The following FGD4 variants were observed in gnomAD, a reference collection of about 807,000 sequenced individuals.
FGD4 encodes the protein FYVE, RhoGEF and PH domain-containing protein 4.
Under a neutral mutation model 102.0 loss-of-function variants are expected in FGD4, and 42 were observed. That is an observed-to-expected ratio of 0.41 (90% CI 0.32 to 0.53). The LOEUF is 0.53. Among genes scored for constraint, FGD4 ranks in the 20% least tolerant of loss-of-function variants. The pLI, the probability that FGD4 is intolerant of heterozygous loss-of-function variation, is 0.21. For synonymous variants in FGD4, 380 were observed against 375.7 expected (o/e 1.01, Z -0.13); for missense variants, 902 against 1,078.2 (o/e 0.84, Z 2.29).
intron 1 of FGD4, among the ~76,000 whole-genome samples, chr12:32,475,922 A>G (rs1456469044): frequency 6.6e-6 from 1 of 152,300 alleles, no homozygotes; most frequent in East Asian, 1.9e-4. Context: ...ATTTCCTCTG[A>G]ATTCTGCTTA....
intron 1 of FGD4, among the ~76,000 whole-genome samples, chr12:32,404,258 G>GT (rs918215936): frequency 1.5e-3 from 215 of 143,342 alleles, no homozygotes; most frequent in East Asian, 1.6e-3. Flanking sequence ...TGTAAGTACA[G>GT]TTTTTTTTTT....
In FGD4 at chr12:32,422,116, T is replaced by C. The variant is rs375218081; in HGVS notation, c.166+22157T>C. 2.5e-4 allele frequency among the ~76,000 whole-genome samples: 37 copies of C among 148,096 alleles called. No individual in the cohort carries two copies. The East Asian group carries it at 3.4e-3, about 14-fold the overall frequency. On this transcript the variant is annotated intron_variant, in intron 1 of 16. Coordinates refer to ENST00000534526, the MANE Select transcript of FGD4 (RefSeq NM_001370298.3). The stretch of plus-strand genomic sequence containing the variant: ...CCGAAATCATGCCACTACACTCCAG[T>C]GTGGGCGACAGAATGAGACTCTGTC...
intron 1 of FGD4, among the ~76,000 whole-genome samples, chr12:32,478,427 G>C (rs1943639936): frequency 1.3e-5 from 2 of 152,032 alleles, no homozygotes; most frequent in Admixed American, 1.3e-4. Flanking sequence ...ACCACACCTG[G>C]CTAATGTTTT....
chr12:32,507,201 T>C (rs908732936), intron 1 of FGD4, among the ~76,000 whole-genome samples: 4 of 151,734 alleles, frequency 2.6e-5, no homozygotes, highest in African/African-American at 4.8e-5. Flanking sequence ...GTCCTTGCGA[T>C]AGTTTACTGA....
chr12:32,534,386 G>T, intron 1 of FGD4: 1 of 1,489,090 alleles, frequency 6.7e-7, no homozygotes, highest in Non-Finnish European at 8.9e-7. Flanking sequence ...AAGCTTTACA[G>T]CCAGGAGTGA....
At chr12:32,459,864 G>A (rs1302483355) in intron 1 of FGD4, among the ~76,000 whole-genome samples, 1 of 151,642 alleles carries the variant, frequency 6.6e-6, no homozygotes, top group Non-Finnish European at 1.5e-5. Context: ...GCATCTGGCT[G>A]ATTTTTTTTG....
intron 1 of FGD4, among the ~76,000 whole-genome samples, chr12:32,473,410 G>C (rs1378746478): frequency 6.6e-6 from 1 of 151,980 alleles, no homozygotes; most frequent in Admixed American, 6.6e-5. Context: ...GGAGCCCACT[G>C]GGGGGAAGGA....
At chr12:32,480,798 C>CT (rs535014734) in intron 1 of FGD4, among the ~76,000 whole-genome samples, 5,344 of 139,896 alleles carry the variant, frequency 0.038, 125 homozygotes, top group Non-Finnish European at 0.055. Context: ...CACGCCCGGC[C>CT]TTTTTTTTTT....
intron 14 of FGD4, among the ~76,000 whole-genome samples, chr12:32,629,974 A>T (rs912386687): frequency 2.0e-5 from 3 of 152,092 alleles, no homozygotes; most frequent in African/African-American, 7.2e-5. Context: ...TTTGGTTGAT[A>T]GTTCATTATC....
chr12:32,640,611 G>C lies in FGD4; in HGVS notation c.*78G>C. 1 of 1,600,054 alleles carries C rather than the reference G, an allele frequency of 6.2e-7. No individual in the cohort carries two copies. The highest frequency in any genetic ancestry group is 1.1e-5 in the South Asian group (1 of 90,586). On this transcript the variant is annotated 3_prime_UTR_variant, in exon 17 of 17. Transcript: ENST00000534526. ...CATTCCCAGCTCTTCTTACACATCTGCTAGCACTTTATGTTGAAAAATATA... is the reference window on the plus strand; with the variant it reads ...CATTCCCAGCTCTTCTTACACATCTCCTAGCACTTTATGTTGAAAAATATA...
At chr12:32,625,863 G>A in intron 14 of FGD4, 84 bp downstream of exon 14, 1 of 1,569,762 alleles carries the variant, frequency 6.4e-7, no homozygotes, top group Non-Finnish European at 8.8e-7. Flanking sequence ...ACAAAAAAAT[G>A]ACTTTCAACA....
intron 1 of FGD4, among the ~76,000 whole-genome samples, chr12:32,560,923 G>A (rs915216467): frequency 2.0e-5 from 3 of 151,252 alleles, no homozygotes; most frequent in African/African-American, 4.9e-5. Context: ...AATTCCTAGC[G>A]TCATTTAATT....
At chr12:32,563,967 G>A (rs1051338486) in intron 1 of FGD4, among the ~76,000 whole-genome samples, 170 bp from the exon 2 acceptor site, 3 of 149,940 alleles carry the variant, frequency 2.0e-5, no homozygotes, top group Non-Finnish European at 4.4e-5. Context: ...TCCAGCTTCG[G>A]CTCGGCATCA....
intron 1 of FGD4, among the ~76,000 whole-genome samples, chr12:32,460,283 G>A (rs980309304): frequency 5.3e-5 from 8 of 152,074 alleles, no homozygotes; most frequent in Admixed American, 3.3e-4. Context: ...AAGTCGAGGC[G>A]GGAGGTTTGC....
At chr12:32,470,118 C>T (rs1488979336) in intron 1 of FGD4, among the ~76,000 whole-genome samples, 1 of 152,076 alleles carries the variant, frequency 6.6e-6, no homozygotes, top group Non-Finnish European at 1.5e-5. Context: ...ATGTGTCTGG[C>T]AGTTTTCTAA....
chr12:32,634,239 CTCT>C (rs1950662902), intron 15 of FGD4, among the ~76,000 whole-genome samples: 1 of 152,090 alleles, frequency 6.6e-6, no homozygotes, highest in Admixed American at 6.5e-5. Flanking sequence ...TAATTGGCAT[CTCT>C]TCTTATACCC....
rs952821074 is a variant in FGD4, at chr12:32,640,759, A to G, written c.*226A>G. The G allele has an allele frequency of 1.5e-6, 1 of 647,724 alleles. No individual in the cohort carries two copies. The highest frequency in any genetic ancestry group is 2.6e-6 in the Non-Finnish European group (1 of 380,214). 40.1% of individuals were successfully genotyped at this position (647,724 alleles called of 1,614,324 possible). On this transcript the variant is annotated 3_prime_UTR_variant, in exon 17 of 17. Transcript: ENST00000534526. ...AATGTGAAAACTGGAGCATTTTTTG[A>G]GCTATTCCTTGAATATGTGCTTTTT...
intron 1 of FGD4, among the ~76,000 whole-genome samples, chr12:32,460,575 AG>A (rs1429215829): frequency 2.0e-5 from 3 of 152,156 alleles, no homozygotes; most frequent in African/African-American, 7.2e-5. Context: ...GTACATGTAT[AG>A]AATTTATAAG....
intron 1 of FGD4, among the ~76,000 whole-genome samples, chr12:32,415,662 C>T (rs1941383019): frequency 6.6e-6 from 1 of 152,188 alleles, no homozygotes; most frequent in South Asian, 2.1e-4. Flanking sequence ...ACCTCGTGAT[C>T]TGCCCGCATT....
Sources: gnomAD v4.1 joint callset for allele counts (sites outside exome capture counted in the v4.1 genomes callset) on GRCh38, gnomAD v4.1.1 for gene constraint, MANE v1.5 for transcripts, NCBI Gene and HGNC (gene_info 2026-07-23, HGNC 2026-07-21) for gene names.